Variants in TNKS observed in about 807,000 individuals in gnomAD.
TNKS encodes the protein poly [ADP-ribose] polymerase tankyrase-1.
TNKS carries 72 observed loss-of-function variants against 135.8 expected under a neutral mutation model. The ratio of observed to expected loss-of-function variants is 0.53; its 90% CI spans 0.44 to 0.64. The LOEUF (loss-of-function observed/expected upper bound fraction) is 0.64, where lower values mean the gene tolerates loss of function less well. TNKS is among the 30% of genes least tolerant of loss of function. The pLI is 0.00. For synonymous variants in TNKS, 849 were observed against 649.3 expected (o/e 1.31, Z -4.68); for missense variants, 1,769 against 1,674.0 (o/e 1.06, Z -0.99).
At chr8:9,626,811 G>A (rs1010247829) in intron 3 of TNKS, among the ~76,000 whole-genome samples, 2 of 152,162 alleles carry the variant, frequency 1.3e-5, no homozygotes, top group Non-Finnish European at 2.9e-5. Flanking sequence ...GAATGCTATA[G>A]TATTTATTAA....
intron 20 of TNKS, among the ~76,000 whole-genome samples, chr8:9,755,723 G>C (rs1405110603): frequency 6.6e-6 from 1 of 152,186 alleles, no homozygotes; most frequent in East Asian, 1.9e-4. Context: ...TAAGCCAGGG[G>C]AGCCGTTGTT....
intron 3 of TNKS, among the ~76,000 whole-genome samples, chr8:9,649,652 G>A (rs895560131): frequency 6.7e-6 from 1 of 150,248 alleles, no homozygotes; most frequent in African/African-American, 2.5e-5. Flanking sequence ...AGTCCCCAAA[G>A]TCCATTATGT....
intron 1 of TNKS, among the ~76,000 whole-genome samples, chr8:9,569,871 T>C (rs1161775737): frequency 1.3e-5 from 2 of 151,930 alleles, no homozygotes; most frequent in African/African-American, 2.4e-5. Flanking sequence ...TTTTAAAATT[T>C]TATCTGTAAG....
At chr8:9,735,829 A>G (rs1330924458) in intron 17 of TNKS, among the ~76,000 whole-genome samples, 1 of 151,974 alleles carries the variant, frequency 6.6e-6, no homozygotes, top group Non-Finnish European at 1.5e-5. Flanking sequence ...ATAAAATAAA[A>G]TCTAGAAAAC....
chr8:9,593,307 G>C (rs1035858308), intron 2 of TNKS, among the ~76,000 whole-genome samples: 2 of 152,200 alleles, frequency 1.3e-5, no homozygotes, highest in African/African-American at 2.4e-5. Context: ...CAGTGAAGAA[G>C]GAGAAAGTTG....
intron 3 of TNKS, among the ~76,000 whole-genome samples, chr8:9,647,368 C>T (rs1249715827): frequency 6.6e-6 from 1 of 152,122 alleles, no homozygotes; most frequent in Non-Finnish European, 1.5e-5. Flanking sequence ...ATTTATTTTG[C>T]ACCAAGCTCT....
chr8:9,623,969 T>A lies in TNKS; in HGVS notation c.994+8292T>A, dbSNP rs143154535. On this transcript the variant is annotated intron_variant, in intron 3 of 26. Transcript: ENST00000310430. Reference sequence around the variant, plus strand: ...GTGAACCGAGATCATGCCACTGTACTCCAGTCTGGGTGACAGAGCAAGAGA... The same window carrying A: ...GTGAACCGAGATCATGCCACTGTACACCAGTCTGGGTGACAGAGCAAGAGA... Among the ~76,000 whole-genome samples, 245 of 152,086 alleles carry A rather than the reference T, an allele frequency of 1.6e-3. 1 individual carries two copies. Among genetic ancestry groups the A allele is most frequent in the African/African-American group, 5.7e-3 (238 of 41,470 alleles).
chr8:9,567,436 G>C (rs1163405721), intron 1 of TNKS, among the ~76,000 whole-genome samples: 1 of 151,890 alleles, frequency 6.6e-6, no homozygotes, highest in African/African-American at 2.4e-5. Flanking sequence ...TTTTTTTTGA[G>C]ACGGAGTCTC....
intron 2 of TNKS, among the ~76,000 whole-genome samples, chr8:9,590,450 T>C (rs1324538752): frequency 1.3e-5 from 2 of 152,244 alleles, no homozygotes; most frequent in African/African-American, 4.8e-5. Context: ...TAGCACTTAT[T>C]ACCTGGAATT....
chr8:9,768,761 C>G (rs1234800654), intron 25 of TNKS, among the ~76,000 whole-genome samples: 2 of 152,194 alleles, frequency 1.3e-5, no homozygotes, highest in Non-Finnish European at 2.9e-5. Flanking sequence ...AGATGGAGCT[C>G]AAAAAGCCTC....
intron 3 of TNKS, among the ~76,000 whole-genome samples, chr8:9,627,060 A>C (rs985476413): frequency 4.6e-5 from 7 of 152,098 alleles, no homozygotes; most frequent in African/African-American, 1.4e-4. Context: ...CTGAAGGTTA[A>C]GTTGATCACC....
chr8:9,684,132 G>C (rs1001300917), intron 5 of TNKS, among the ~76,000 whole-genome samples: 2 of 151,974 alleles, frequency 1.3e-5, no homozygotes, highest in African/African-American at 4.8e-5. Context: ...AGTCATAACA[G>C]TCCACAATTC....
At chr8:9,712,984 A>G (rs6601348) in intron 11 of TNKS, among the ~76,000 whole-genome samples, 107,209 of 151,964 alleles carry the variant, frequency 0.71, 38,319 homozygotes, top group Admixed American at 0.81. Context: ...TTATAATAGT[A>G]TAGCACTTCT....
rs573403979 is a variant in TNKS at position 9,777,492 on chromosome 8, A to C, written c.*756A>C. 1 of 152,412 alleles carries C rather than the reference A, an allele frequency of 6.6e-6. No homozygotes were observed. The highest frequency in any genetic ancestry group is 1.9e-4 in the East Asian group (1 of 5,192). 9.4% of individuals were successfully genotyped at this position (152,412 alleles called of 1,614,324 possible). A position where few individuals can be genotyped will look rare whatever the true frequency, so the allele number is the denominator to read the frequency against. On this transcript the variant is annotated 3_prime_UTR_variant, in exon 27 of 27. Transcript: ENST00000310430. Reference sequence around the variant, plus strand: ...ACTTAGGAACGCCTAAATTCAGAGAAGTCAAAGCCGGTGAAGGCCACTTGC... The same window carrying C: ...ACTTAGGAACGCCTAAATTCAGAGACGTCAAAGCCGGTGAAGGCCACTTGC...
At chr8:9,640,299 C>T (rs1359404304) in intron 3 of TNKS, among the ~76,000 whole-genome samples, 1 of 151,912 alleles carries the variant, frequency 6.6e-6, no homozygotes, top group Non-Finnish European at 1.5e-5. Flanking sequence ...CGGCAGACGG[C>T]AAGACAGAAA....
intron 3 of TNKS, among the ~76,000 whole-genome samples, chr8:9,666,624 G>A (rs1182833727): frequency 6.6e-6 from 1 of 151,848 alleles, no homozygotes; most frequent in Non-Finnish European, 1.5e-5. Flanking sequence ...AGAGGATGAG[G>A]CACAAGAATT....
intron 2 of TNKS, among the ~76,000 whole-genome samples, chr8:9,602,372 C>G (rs545558763): frequency 6.6e-6 from 1 of 152,080 alleles, no homozygotes; most frequent in Non-Finnish European, 1.5e-5. Flanking sequence ...TGTGGAATAC[C>G]CTGTTTTGGA....
intron 5 of TNKS, among the ~76,000 whole-genome samples, chr8:9,693,827 A>T (rs971976771): frequency 1.6e-4 from 24 of 152,332 alleles, no homozygotes; most frequent in South Asian, 6.2e-4. Flanking sequence ...ACACGCACAC[A>T]CAATTTTCTC....
chr8:9,676,376 A>C (rs964336873), intron 3 of TNKS, among the ~76,000 whole-genome samples: 1 of 152,056 alleles, frequency 6.6e-6, no homozygotes, highest in Non-Finnish European at 1.5e-5. Flanking sequence ...TAGTCTTTCC[A>C]TGCTATTCCA....
Sources: allele counts gnomAD v4.1 joint callset (sites outside exome capture counted in the v4.1 genomes callset), GRCh38; gene constraint gnomAD v4.1.1; transcripts MANE v1.5; gene names NCBI Gene and HGNC (gene_info 2026-07-23, HGNC 2026-07-21).